The following GALNT18 variants were observed in gnomAD, a reference collection of about 807,000 sequenced individuals.
GALNT18 encodes polypeptide N-acetylgalactosaminyltransferase 18.
In GALNT18, 44 loss-of-function variants were observed where a neutral mutation model predicts 69.5. The ratio of observed to expected loss-of-function variants is 0.63; its 90% confidence interval spans 0.50 to 0.81. The LOEUF (loss-of-function observed/expected upper bound fraction) is 0.81, where lower values mean the gene tolerates loss of function less well. Among genes scored for constraint, GALNT18 ranks in the 40% least tolerant of loss-of-function variants. GALNT18 has a pLI of 0.00. For synonymous variants in GALNT18, 364 were observed against 318.2 expected, an observed-to-expected ratio of 1.14 and a Z score of -1.53; for missense variants, 715 against 810.0, an observed-to-expected ratio of 0.88 and a Z score of 1.42.
Position 11,614,292 on chromosome 11 carries a change from G to C in GALNT18, c.235+7067C>G, listed in dbSNP as rs934417456. 6.6e-6 allele frequency among the ~76,000 whole-genome samples: 1 copy of C among 151,860 alleles called. No homozygotes were observed. The highest frequency in any genetic ancestry group is 6.6e-5 in the Admixed American group (1 of 15,256). On this transcript the variant is annotated intron_variant, in intron 1 of 10. Transcript: ENST00000227756. This position sits in a 1 kb window ranked among gnomAD's most constrained non-coding sequence, Gnocchi z 5.6. ...TTACAATCACAGCAGAAGGTAACAG[G>C]GAAGCAGGTATGTCACATAGTGAGA...
intron 3 of GALNT18, among the ~76,000 whole-genome samples, chr11:11,391,861 T>C (rs1272751638): frequency 6.6e-6 from 1 of 152,206 alleles, no homozygotes; most frequent in Non-Finnish European, 1.5e-5. Flanking sequence ...GGAAGCGCTG[T>C]GCACACCTAA....
chr11:11,435,438 T>C lies in GALNT18; in HGVS notation c.429-2651A>G, dbSNP rs1003542727. 6.6e-6 allele frequency among the ~76,000 whole-genome samples: 1 copy of C among 152,204 alleles called. No homozygotes were observed. The highest frequency in any genetic ancestry group is 1.5e-5 in the Non-Finnish European group (1 of 68,042). On this transcript the variant is annotated intron_variant, in intron 2 of 10. Transcript: ENST00000227756. This position sits in a 1 kb window ranked among gnomAD's most constrained non-coding sequence, Gnocchi z 4.4. Reference sequence around the variant, plus strand: ...TGTATAATAAGCTAAGCCCTGCTGATCACGATTTTCACAAGAAAGACTTTT... The same window carrying C: ...TGTATAATAAGCTAAGCCCTGCTGACCACGATTTTCACAAGAAAGACTTTT...
Position 11,620,328 on chromosome 11 carries a change from C to CGTGTGT in GALNT18, c.235+1030_235+1031insACACAC, listed in dbSNP as rs1361160652. On this transcript the variant is annotated intron_variant, in intron 1 of 10. Coordinates refer to ENST00000227756, the MANE Select transcript of GALNT18 (RefSeq NM_198516.3). This position sits in a 1 kb window ranked among gnomAD's most constrained non-coding sequence, Gnocchi z 6.9. ...AAGTGTGGACGTGAGCGCGCGCGCG[C>CGTGTGT]GCGCGTGTGTGTGTGTGTGTGCACA... Among the ~76,000 whole-genome samples the CGTGTGT allele has an allele frequency of 1.8e-5, 2 of 110,662 alleles. No individual in the cohort carries two copies. Among genetic ancestry groups the CGTGTGT allele is most frequent in the African/African-American group, 9.3e-5 (2 of 21,584 alleles). The allele number at this position is 110,662 out of a possible 152,430, so 72.6% of individuals were successfully genotyped here.
In GALNT18 at chr11:11,337,961, A is replaced by ATTTTT. The variant is rs11351706; in HGVS notation, c.1278+2853_1278+2857dup. ...TGTACATAGCAGGAGTCATTTAAAG[A>ATTTTT]TTTTTTTTTTTTTTTTTTTTTTGAG... On this transcript the variant is annotated intron_variant, in intron 7 of 10. Coordinates refer to ENST00000227756, the MANE Select transcript of GALNT18 (RefSeq NM_198516.3). The surrounding 1 kb of genome is among the most constrained non-coding windows in gnomAD (Gnocchi z 4.9). 2.4e-4 allele frequency among the ~76,000 whole-genome samples: 29 copies of ATTTTT among 118,808 alleles called. 1 individual carries two copies. The highest frequency in any genetic ancestry group is 7.4e-4 in the Admixed American group (8 of 10,792). The allele number at this position is 118,808 out of a possible 152,430, so 77.9% of individuals were successfully genotyped here. A position where few individuals can be genotyped will look rare whatever the true frequency, so the allele number is the denominator to read the frequency against.
In GALNT18 at chr11:11,340,788, C is replaced by T. The variant is rs184878171; in HGVS notation, c.1278+31G>A. 5.5e-5 allele frequency: 87 copies of T among 1,573,818 alleles called. No homozygotes were observed. The highest frequency in any genetic ancestry group is 3.4e-4 in the Middle Eastern group (2 of 5,846). On this transcript the variant is annotated intron_variant, in intron 7 of 10. Transcript: ENST00000227756. This position sits in a 1 kb window ranked among gnomAD's most constrained non-coding sequence, Gnocchi z 4.2. ...GTTTTGTTTGTTTTCCACCAATCCC[C>T]GAGAAACTCATCCCTACCGGAGATC...
At chr11:11,429,957 T>C (rs752108850) in intron 3 of GALNT18, among the ~76,000 whole-genome samples, 13 of 151,980 alleles carry the variant, frequency 8.6e-5, no homozygotes, top group Non-Finnish European at 1.6e-4. Context: ...CTACCCAACG[T>C]AGTGAGACTC....
intron 2 of GALNT18, among the ~76,000 whole-genome samples, chr11:11,442,534 C>T (rs776104224): frequency 5.9e-5 from 9 of 152,108 alleles, no homozygotes; most frequent in African/African-American, 9.7e-5. Context: ...TCTTGCCCAC[C>T]GAACACTCAG....
intron 6 of GALNT18, among the ~76,000 whole-genome samples, chr11:11,369,999 C>T (rs1231810028): frequency 6.6e-6 from 1 of 152,066 alleles, no homozygotes; most frequent in East Asian, 1.9e-4. Context: ...AGATCTGGGG[C>T]TGAATCCTTT....
At chr11:11,525,061 AT>A (rs1189336267) in intron 1 of GALNT18, among the ~76,000 whole-genome samples, 2 of 152,200 alleles carry the variant, frequency 1.3e-5, no homozygotes, top group Non-Finnish European at 2.9e-5. Context: ...AGGGGATTTC[AT>A]GCAGAAAAAC....
At position 11,562,612 on chromosome 11, in the gene GALNT18, T is replaced by C. The variant is rs978423515; in HGVS notation, c.235+58747A>G. ...CCTGCCTCCTACCCCAGCAACCCCA[T>C]GGCACAGCACAATTTCAAGGCCCCA... On this transcript the variant is annotated intron_variant, in intron 1 of 10. Coordinates refer to ENST00000227756, the MANE Select transcript of GALNT18 (RefSeq NM_198516.3). This position sits in a 1 kb window ranked among gnomAD's most constrained non-coding sequence, Gnocchi z 4.1. Among the ~76,000 whole-genome samples, 3 of 152,022 alleles carry C rather than the reference T, an allele frequency of 2.0e-5. No homozygotes were observed. Among genetic ancestry groups the C allele is most frequent in the African/African-American group, 4.8e-5 (2 of 41,392 alleles).
At chr11:11,360,324 C>T (rs567283916) in intron 6 of GALNT18, among the ~76,000 whole-genome samples, 22 of 152,326 alleles carry the variant, frequency 1.4e-4, no homozygotes, top group African/African-American at 4.3e-4. Flanking sequence ...CTGCTGCTCT[C>T]GCAATGCATC....
chr11:11,580,087 GAGAC>G (rs1443282204), intron 1 of GALNT18, among the ~76,000 whole-genome samples: 3 of 152,302 alleles, frequency 2.0e-5, no homozygotes, highest in South Asian at 2.1e-4. Flanking sequence ...TTGAGTTAAA[GAGAC>G]AGACAGATAT....
intron 1 of GALNT18, among the ~76,000 whole-genome samples, chr11:11,548,629 C>A (rs1321559394): frequency 6.6e-6 from 1 of 152,214 alleles, no homozygotes; most frequent in Non-Finnish European, 1.5e-5. Flanking sequence ...CACTCCTCTC[C>A]ATCAATAATG....
At chr11:11,300,123 G>A (rs911443881) in intron 9 of GALNT18, among the ~76,000 whole-genome samples, 2 of 152,204 alleles carry the variant, frequency 1.3e-5, no homozygotes, top group African/African-American at 2.4e-5. Flanking sequence ...AGGCACAACT[G>A]GAGTACGAGT....
intron 6 of GALNT18, among the ~76,000 whole-genome samples, chr11:11,343,966 C>T (rs974120637): frequency 2.0e-5 from 3 of 152,184 alleles, no homozygotes; most frequent in African/African-American, 7.2e-5. Context: ...GCAGCCACCT[C>T]CCTTGTCTAG....
At chr11:11,299,844 G>A (rs1265948723) in intron 9 of GALNT18, among the ~76,000 whole-genome samples, 1 of 152,194 alleles carries the variant, frequency 6.6e-6, no homozygotes. Flanking sequence ...TGGGATTGCT[G>A]GATCAAATGG....
chr11:11,385,389 G>A (rs1023172080), intron 3 of GALNT18, among the ~76,000 whole-genome samples: 58 of 151,350 alleles, frequency 3.8e-4, no homozygotes, highest in South Asian at 1.2e-3. Flanking sequence ...TCCGCCTCCC[G>A]GGTTCATGCC....
chr11:11,393,094 C>T (rs1361597281), intron 3 of GALNT18, among the ~76,000 whole-genome samples: 4 of 152,178 alleles, frequency 2.6e-5, no homozygotes, highest in African/African-American at 9.6e-5. Context: ...AGTCCAGCAG[C>T]GAAGTGGGTG....
At chr11:11,552,805 T>C (rs941356773) in intron 1 of GALNT18, among the ~76,000 whole-genome samples, 2 of 152,152 alleles carry the variant, frequency 1.3e-5, no homozygotes, top group Admixed American at 1.3e-4. Context: ...TCTGTCAGCC[T>C]TTCTCAAGAA....
Sources: gnomAD v4.1 joint callset for allele counts (sites outside exome capture counted in the v4.1 genomes callset) on GRCh38, gnomAD v4.1.1 for gene constraint, Gnocchi (gnomAD v3.1) non-coding constraint, MANE v1.5 for transcripts, NCBI Gene and HGNC (gene_info 2026-07-23, HGNC 2026-07-21) for gene names.